PTPRK: variants seen among roughly 807,000 people sequenced by gnomAD.
PTPRK encodes the protein receptor-type tyrosine-protein phosphatase kappa.
In PTPRK, 75 loss-of-function variants were observed where a neutral mutation model predicts 178.0. That is an observed-to-expected ratio of 0.42 (90% CI 0.35 to 0.51). The LOEUF (loss-of-function observed/expected upper bound fraction) is 0.51, where lower values mean the gene tolerates loss of function less well. PTPRK is among the 20% of genes least tolerant of loss of function. PTPRK has a pLI of 0.02. For missense variants in PTPRK, 1,441 were observed against 1,797.8 expected (o/e 0.80, Z 3.59); for synonymous variants, 637 against 620.6 (o/e 1.03, Z -0.39).
chr6:128,408,443 CT>C (rs1841950754), intron 1 of PTPRK, among the ~76,000 whole-genome samples: 1 of 152,064 alleles, frequency 6.6e-6, no homozygotes, highest in South Asian at 2.1e-4. Context: ...CAGGAAAAAT[CT>C]CTCAGCTTCA....
chr6:128,054,493 A>G (rs1318572913), intron 13 of PTPRK, among the ~76,000 whole-genome samples: 1 of 152,174 alleles, frequency 6.6e-6, no homozygotes, highest in Non-Finnish European at 1.5e-5. Context: ...ATTCCATTTT[A>G]TATACAGTAA....
intron 3 of PTPRK, among the ~76,000 whole-genome samples, chr6:128,249,811 T>C (rs976411646): frequency 2.6e-5 from 4 of 152,008 alleles, no homozygotes; most frequent in Non-Finnish European, 5.9e-5. Context: ...TGGAAGGTAA[T>C]AATAAGGATG....
At chr6:128,518,763 T>C (rs1451790322) in intron 1 of PTPRK, among the ~76,000 whole-genome samples, 1 of 152,226 alleles carries the variant, frequency 6.6e-6, no homozygotes, top group African/African-American at 2.4e-5. Flanking sequence ...ACCCTCTGCG[T>C]ACATCAATTA....
chr6:128,204,752 G>A (rs1184703966), intron 6 of PTPRK, among the ~76,000 whole-genome samples: 2 of 151,686 alleles, frequency 1.3e-5, no homozygotes, highest in East Asian at 1.9e-4. Flanking sequence ...GGTGATTATC[G>A]AAGAGTCAAA....
intron 13 of PTPRK, among the ~76,000 whole-genome samples, chr6:128,051,623 C>T (rs1048461938): frequency 1.3e-5 from 2 of 152,114 alleles, no homozygotes; most frequent in African/African-American, 4.8e-5. Context: ...ATCTTTCGAT[C>T]CGGTTGCTTC....
At chr6:128,433,829 T>G (rs539931748) in intron 1 of PTPRK, among the ~76,000 whole-genome samples, 1 of 150,624 alleles carries the variant, frequency 6.6e-6, no homozygotes, top group South Asian at 2.1e-4. Context: ...TAACACTGTT[T>G]TTTTTTTTTT....
intron 6 of PTPRK, among the ~76,000 whole-genome samples, chr6:128,187,166 C>T (rs1336194433): frequency 6.6e-6 from 1 of 151,960 alleles, no homozygotes; most frequent in East Asian, 1.9e-4. Flanking sequence ...CAAAACTCTG[C>T]ACACTCTTGC....
At chr6:128,263,040 T>G (rs765171349) in intron 3 of PTPRK, among the ~76,000 whole-genome samples, 1 of 151,920 alleles carries the variant, frequency 6.6e-6, no homozygotes, top group Non-Finnish European at 1.5e-5. Flanking sequence ...CCAGTACTGA[T>G]AGTGATGAGC....
chr6:128,437,784 G>A (rs966327072), intron 1 of PTPRK, among the ~76,000 whole-genome samples: 2 of 152,162 alleles, frequency 1.3e-5, no homozygotes, highest in African/African-American at 2.4e-5. Flanking sequence ...GGGGTGTACC[G>A]AGGTATAGCA....
chr6:128,000,691 A>C (rs1777728829), intron 15 of PTPRK, among the ~76,000 whole-genome samples: 1 of 152,100 alleles, frequency 6.6e-6, no homozygotes, highest in African/African-American at 2.4e-5. Context: ...CCCCAGAAAA[A>C]TTAAATTCAG....
intron 2 of PTPRK, among the ~76,000 whole-genome samples, chr6:128,381,254 A>AG: frequency 6.6e-6 from 1 of 152,220 alleles, no homozygotes; most frequent in African/African-American, 2.4e-5. Flanking sequence ...TAACTACATA[A>AG]AAACAGTCTT....
chr6:128,177,777 G>A (rs933306762), intron 7 of PTPRK, among the ~76,000 whole-genome samples: 2 of 151,696 alleles, frequency 1.3e-5, no homozygotes, highest in Admixed American at 1.3e-4. Flanking sequence ...TAGCATAATA[G>A]ACCATTAGCA....
chr6:128,386,344 T>C (rs1838723749), intron 2 of PTPRK, among the ~76,000 whole-genome samples: 1 of 152,172 alleles, frequency 6.6e-6, no homozygotes, highest in Non-Finnish European at 1.5e-5. Flanking sequence ...GTGTATTTCA[T>C]ATGTGGAAAC....
Position 128,108,069 on chromosome 6 carries a change from AACACACACACACAC to A in PTPRK, c.1163-18091_1163-18078del, listed in dbSNP as rs67513455. ...AACAAACCAAATCCCTAAATAGCAA[AACACACACACACAC>A]ACACACACACACACACACACACACA... is the stretch of plus-strand genomic sequence containing the variant. On this transcript the variant is annotated intron_variant, in intron 7 of 29. Coordinates refer to ENST00000368226, the MANE Select transcript of PTPRK (RefSeq NM_002844.4). 1.6e-3 allele frequency among the ~76,000 whole-genome samples: 210 copies of A among 133,860 alleles called. 2 individuals carry two copies. The highest frequency in any genetic ancestry group is 0.015 in the South Asian group (60 of 4,082). The allele number at this position is 133,860 out of a possible 152,430, so 87.8% of individuals were successfully genotyped here. A position where few individuals can be genotyped will look rare whatever the true frequency, so the allele number is the denominator to read the frequency against.
At chr6:128,483,708 C>T (rs1038430935) in intron 1 of PTPRK, among the ~76,000 whole-genome samples, 17 of 152,072 alleles carry the variant, frequency 1.1e-4, no homozygotes, top group South Asian at 4.1e-4. Context: ...CTTGATATGA[C>T]GAACCAACCT....
intron 7 of PTPRK, among the ~76,000 whole-genome samples, chr6:128,126,698 A>G (rs1390654569): frequency 1.3e-5 from 2 of 152,094 alleles, no homozygotes; most frequent in Non-Finnish European, 2.9e-5. Flanking sequence ...TATATTGCCC[A>G]AGCTGGTCTC....
chr6:128,360,789 C>T lies in PTPRK; in HGVS notation c.223+36777G>A, dbSNP rs181645634. ...AGTGTAGGGTGGCAATGTTATTCTACACCCTATACAACCAAAACTAGCCTT... is the reference window on the plus strand; with the variant it reads ...AGTGTAGGGTGGCAATGTTATTCTATACCCTATACAACCAAAACTAGCCTT... On this transcript the variant is annotated intron_variant, in intron 2 of 29. Transcript: ENST00000368226. Among the ~76,000 whole-genome samples the T allele has an allele frequency of 6.0e-4, 92 of 152,212 alleles. 1 individual carries two copies. The East Asian group carries it at 0.016, about 27-fold the overall frequency.
At chr6:128,447,742 G>T (rs1018758274) in intron 1 of PTPRK, among the ~76,000 whole-genome samples, 1 of 151,028 alleles carries the variant, frequency 6.6e-6, no homozygotes, top group Non-Finnish European at 1.5e-5. Context: ...CTCCTGCCTC[G>T]CCTCCTGAGT....
Position 128,174,329 on chromosome 6 carries a change from A to T in PTPRK, c.1162+10103T>A, listed in dbSNP as rs374819404. ...AGAAGAAGGAGTGGGGAGGGAAAAG[A>T]AACCCTCATTTGTAGCACTTAAAAT... On this transcript the variant is annotated intron_variant, in intron 7 of 29. Transcript: ENST00000368226. Among the ~76,000 whole-genome samples the T allele has an allele frequency of 1.4e-4, 22 of 152,092 alleles. 1 individual carries two copies. In the East Asian group the frequency reaches 1.9e-3, roughly 13 times the overall value.
Sources: allele counts gnomAD v4.1 joint callset (sites outside exome capture counted in the v4.1 genomes callset), GRCh38; gene constraint gnomAD v4.1.1; transcripts MANE v1.5; gene names NCBI Gene and HGNC (gene_info 2026-07-23, HGNC 2026-07-21).